DPP9: variants seen among roughly 807,000 people sequenced by gnomAD.
DPP9 encodes the protein dipeptidyl peptidase IV-related protein-2.
DPP9 carries 50 observed loss-of-function variants against 110.7 expected under a neutral mutation model. The observed-to-expected ratio is 0.45, with a 90% CI of 0.36 to 0.57. The LOEUF (loss-of-function observed/expected upper bound fraction) is 0.57, where lower values mean the gene tolerates loss of function less well. Among genes scored for constraint, DPP9 ranks in the 20% least tolerant of loss-of-function variants. The probability of loss-of-function intolerance (pLI) is 0.00; values close to 1 mark genes in which losing one functional copy is unlikely to be tolerated. For missense variants in DPP9, 1,022 were observed against 1,217.9 expected, an observed-to-expected ratio of 0.84 and a Z score of 2.39; for synonymous variants, 561 against 514.4, an observed-to-expected ratio of 1.09 and a Z score of -1.23.
intron 14 of DPP9, 45 bp downstream of exon 14, chr19:4,690,833 C>T: frequency 6.7e-7 from 1 of 1,491,940 alleles, no homozygotes; most frequent in Non-Finnish European, 9.3e-7. Context: ...GTGTGTAAAA[C>T]ACACATGCAT....
chr19:4,722,746 C>T (rs1463285170), intron 1 of DPP9, 195 bp from the exon 2 acceptor site: 5 of 576,856 alleles, frequency 8.7e-6, no homozygotes, highest in Admixed American at 2.9e-5. Context: ...CCACGGGCCC[C>T]GATTCCCCTG....
intron 11 of DPP9, 127 bp downstream of exon 11, chr19:4,697,424 G>A (rs1409149553): frequency 4.0e-6 from 3 of 754,254 alleles, no homozygotes; most frequent in Non-Finnish European, 6.5e-6. Context: ...TGTCCTGGCG[G>A]TTGCACTGCG....
chr19:4,721,029 C>T (rs1020751164), intron 2 of DPP9, among the ~76,000 whole-genome samples: 1 of 152,160 alleles, frequency 6.6e-6, no homozygotes, highest in Non-Finnish European at 1.5e-5. Flanking sequence ...TCCATGGAAT[C>T]CCCTAACCCA....
chr19:4,715,901 C>G (rs2093054456), intron 3 of DPP9: 1 of 152,338 alleles, frequency 6.6e-6, no homozygotes, highest in South Asian at 2.1e-4. Flanking sequence ...TTAGCACACT[C>G]CTTGACCTGA....
rs1568304884 is a variant in DPP9 at position 4,685,539 on chromosome 19, A to C, written c.2031+87T>G. ...GTAGCCGGGGAGCCTCCTCTGGTTG[A>C]CTGTTCTACAGCTGGCACTTGAGTG... On this transcript the variant is annotated intron_variant, in intron 17 of 21. Coordinates refer to ENST00000262960, the MANE Select transcript of DPP9 (RefSeq NM_139159.5). The surrounding 1 kb of genome is among the most constrained non-coding windows in gnomAD (Gnocchi z 5.8). 1.4e-6 allele frequency: 2 copies of C among 1,390,426 alleles called. No homozygotes were observed. Among genetic ancestry groups the C allele is most frequent in the East Asian group, 5.0e-5 (2 of 40,314 alleles). 86.1% of individuals were successfully genotyped at this position (1,390,426 alleles called of 1,614,324 possible). A position where few individuals can be genotyped will look rare whatever the true frequency, so the allele number is the denominator to read the frequency against.
intron 9 of DPP9, among the ~76,000 whole-genome samples, chr19:4,701,367 C>T (rs2145705234): frequency 6.6e-6 from 1 of 152,216 alleles, no homozygotes; most frequent in South Asian, 2.1e-4. Flanking sequence ...ACCTGGGAGG[C>T]AGAGGTGGGA....
At chr19:4,722,914 A>G in intron 1 of DPP9, 1 of 252,380 alleles carries the variant, frequency 4.0e-6, no homozygotes. Flanking sequence ...AAGGGAATAG[A>G]CCACTTTTGA....
intron 4 of DPP9, among the ~76,000 whole-genome samples, chr19:4,709,135 G>A (rs1357076703): frequency 6.6e-6 from 1 of 151,962 alleles, no homozygotes; most frequent in Non-Finnish European, 1.5e-5. Context: ...AGCCAGACTG[G>A]TCTTGAAATT....
chr19:4,716,781 C>T (rs1162207025), intron 3 of DPP9, among the ~76,000 whole-genome samples: 1 of 152,144 alleles, frequency 6.6e-6, no homozygotes, highest in Admixed American at 6.5e-5. Flanking sequence ...CAATCAGAGC[C>T]GAGTGAATGA....
rs1198199169 is a variant in DPP9 at position 4,718,064 on chromosome 19, A to G, written c.56+1787T>C. On this transcript the variant is annotated intron_variant, in intron 3 of 21. Coordinates refer to ENST00000262960, the MANE Select transcript of DPP9 (RefSeq NM_139159.5). This position sits in a 1 kb window ranked among gnomAD's most constrained non-coding sequence, Gnocchi z 4.3. ...ATGGTCTCTGTCAAGGCTGGGTGGC[A>G]GATCTGTGATCTCCTTTTTAAATTT... 6.6e-6 allele frequency among the ~76,000 whole-genome samples: 1 copy of G among 152,246 alleles called. No homozygotes were observed. The highest frequency in any genetic ancestry group is 1.9e-4 in the East Asian group (1 of 5,200).
rs993560295 is a variant in DPP9, at chr19:4,700,956, A to G, written c.1013-679T>C. Among the ~76,000 whole-genome samples the G allele has an allele frequency of 1.3e-5, 2 of 152,156 alleles. No individual in the cohort carries two copies. The highest frequency in any genetic ancestry group is 2.9e-5 in the Non-Finnish European group (2 of 68,020). Reference sequence around the variant, plus strand: ...TTCTCATCTGTCATACGAGGGGGAAAAGACTGACTTAGCTCATTTGCAGTG... The same window carrying G: ...TTCTCATCTGTCATACGAGGGGGAAGAGACTGACTTAGCTCATTTGCAGTG... On this transcript the variant is annotated intron_variant, in intron 9 of 21. Transcript: ENST00000262960. The surrounding 1 kb of genome is among the most constrained non-coding windows in gnomAD (Gnocchi z 4.3).
chr19:4,689,624 G>T lies in DPP9; in HGVS notation c.1695C>A (p.Gly565=). 1 of 1,572,336 alleles carries T rather than the reference G, an allele frequency of 6.4e-7. No homozygotes were observed. The highest frequency in any genetic ancestry group is 8.6e-7 in the Non-Finnish European group (1 of 1,159,312). ...HLYVVSYEAA[G]EIVRLTTPGF... is the part of the protein sequence containing the mutation. ...CGGGCGTGGTGAGGCGTACGATCTC[G>T]CCGGCCGCCTCATAGCTGACCACGT... is the stretch of plus-strand genomic sequence containing the variant. The change falls in exon 15 of 22, where the codon GGC becomes GGA. Residue 565 remains glycine (G), a synonymous_variant. Transcript: ENST00000262960. The surrounding 1 kb of genome is among the most constrained non-coding windows in gnomAD (Gnocchi z 7.0).
In DPP9 at chr19:4,693,026, G is replaced by A. The variant is rs1201817300; in HGVS notation, c.1516+1635C>T. Among the ~76,000 whole-genome samples, 1 of 152,144 alleles carries A rather than the reference G, an allele frequency of 6.6e-6. No homozygotes were observed. The highest frequency in any genetic ancestry group is 1.5e-5 in the Non-Finnish European group (1 of 67,998). ...TGCAGTCCCGGATGCCTCGCTCCCT[G>A]GGGTCTCTGTCCCCTGTGTTGGGGG... is the stretch of plus-strand genomic sequence containing the variant. On this transcript the variant is annotated intron_variant, in intron 13 of 21. Transcript: ENST00000262960. This position sits in a 1 kb window ranked among gnomAD's most constrained non-coding sequence, Gnocchi z 5.0.
In DPP9 at chr19:4,682,208, T is replaced by G. The variant is rs1004686759; in HGVS notation, c.2474+488A>C. Among the ~76,000 whole-genome samples, 1 of 152,154 alleles carries G rather than the reference T, an allele frequency of 6.6e-6. No homozygotes were observed. Among genetic ancestry groups the G allele is most frequent in the African/African-American group, 2.4e-5 (1 of 41,434 alleles). ...GCATGGGATTCCGGGGAACATTTTC[T>G]GGAGACGTGCCAGAAAATGGGAACA... On this transcript the variant is annotated intron_variant, in intron 20 of 21. Coordinates refer to ENST00000262960, the MANE Select transcript of DPP9 (RefSeq NM_139159.5). This position sits in a 1 kb window ranked among gnomAD's most constrained non-coding sequence, Gnocchi z 7.1.
intron 4 of DPP9, among the ~76,000 whole-genome samples, chr19:4,713,724 G>C (rs1289045576): frequency 6.6e-6 from 1 of 152,152 alleles, no homozygotes; most frequent in Non-Finnish European, 1.5e-5. Context: ...GCCCGGACCA[G>C]GTGGCTGGGA....
chr19:4,713,324 G>A (rs944585961), intron 4 of DPP9, among the ~76,000 whole-genome samples: 2 of 152,222 alleles, frequency 1.3e-5, no homozygotes, highest in Non-Finnish European at 2.9e-5. Flanking sequence ...GGCACCATCC[G>A]AATATCCGCT....
chr19:4,693,258 C>T lies in DPP9; in HGVS notation c.1516+1403G>A, dbSNP rs139764858. Among the ~76,000 whole-genome samples, 888 of 152,178 alleles carry T rather than the reference C, an allele frequency of 5.8e-3. 7 individuals are homozygous for T. The highest frequency in any genetic ancestry group is 0.02 in the African/African-American group (827 of 41,540). On this transcript the variant is annotated intron_variant, in intron 13 of 21. Transcript: ENST00000262960. The surrounding 1 kb of genome is among the most constrained non-coding windows in gnomAD (Gnocchi z 5.0). ...TGCTCTAACTTTGAAGAGCCTGGGC[C>T]GGGCTCCCGGACCACCCCACCTCTC...
Position 4,695,218 on chromosome 19 carries a change from C to G in DPP9, c.1353+160G>C. ...CCAGACTCACCAACCCCCCTAGACC[C>G]TCTTCCCTGCCAGCCAGGGATGGCC... On this transcript the variant is annotated intron_variant, in intron 12 of 21. Transcript: ENST00000262960. The surrounding 1 kb of genome is among the most constrained non-coding windows in gnomAD (Gnocchi z 4.7). 1.3e-6 allele frequency: 1 copy of G among 750,500 alleles called. No homozygotes were observed. Among genetic ancestry groups the G allele is most frequent in the Non-Finnish European group, 2.1e-6 (1 of 479,092 alleles). The allele number at this position is 750,500 out of a possible 1,614,324, so 46.5% of individuals were successfully genotyped here.
At chr19:4,703,212 C>T (rs7256695) in intron 7 of DPP9, among the ~76,000 whole-genome samples, 50,552 of 151,904 alleles carry the variant, frequency 0.33, 10,400 homozygotes, top group Non-Finnish European at 0.46. Context: ...TGAGATGTGG[C>T]CTTGACTTGA....
Sources: gnomAD v4.1 joint callset for allele counts (sites outside exome capture counted in the v4.1 genomes callset) on GRCh38, gnomAD v4.1.1 for gene constraint, Gnocchi (gnomAD v3.1) non-coding constraint, MANE v1.5 for transcripts, NCBI Gene and HGNC (gene_info 2026-07-23, HGNC 2026-07-21) for gene names.